The following C16orf74 variants were observed in gnomAD, a reference collection of about 807,000 sequenced individuals.
C16orf74 encodes the protein calcimembrin.
C16orf74 carries 10 observed loss-of-function variants against 6.5 expected under a neutral mutation model. The observed-to-expected ratio is 1.54, with a 90% confidence interval of 0.95 to 2.61. The LOEUF (loss-of-function observed/expected upper bound fraction) is 2.61. Among genes scored for constraint, C16orf74 ranks in the 30% most tolerant of loss-of-function variants. The pLI is 0.00. For missense variants in C16orf74, 141 were observed against 105.9 expected (o/e 1.33, Z -1.45); for synonymous variants, 60 against 42.5 (o/e 1.41, Z -1.60).
chr16:85,747,807 G>A (rs993167530), intron 1 of C16orf74, among the ~76,000 whole-genome samples: 1 of 152,084 alleles, frequency 6.6e-6, no homozygotes, highest in Non-Finnish European at 1.5e-5. Context: ...ATTGGTTCCA[G>A]CTGGGCGCAA....
At chr16:85,736,700 A>G (rs2054248444) in intron 1 of C16orf74, among the ~76,000 whole-genome samples, 2 of 151,674 alleles carry the variant, frequency 1.3e-5, no homozygotes, top group Non-Finnish European at 1.5e-5. Flanking sequence ...CAGCTTGGCA[A>G]CTCCCAGCCA....
Position 85,714,409 on chromosome 16 carries a change from T to TTTA in C16orf74, c.29-4105_29-4103dup, listed in dbSNP as rs1254910237. Reference sequence around the variant, plus strand: ...TATTTATTTATTTATTTATTATTTATTTATTTATTTATTTATTTATTTATT... The same window carrying TTTA: ...TATTTATTTATTTATTTATTATTTATTTATTATTTATTTATTTATTTATTTATT... On this transcript the variant is annotated intron_variant, in intron 2 of 3. Transcript: ENST00000284245. Among the ~76,000 whole-genome samples, 80 of 42,414 alleles carry TTTA rather than the reference T, an allele frequency of 1.9e-3. 1 individual carries two copies. Among genetic ancestry groups the TTTA allele is most frequent in the African/African-American group, 5.5e-3 (74 of 13,382 alleles). 27.8% of individuals were successfully genotyped at this position (42,414 alleles called of 152,430 possible). A position where few individuals can be genotyped will look rare whatever the true frequency, so the allele number is the denominator to read the frequency against.
chr16:85,750,048 G>A (rs914679315), intron 1 of C16orf74, among the ~76,000 whole-genome samples: 2 of 152,174 alleles, frequency 1.3e-5, no homozygotes, highest in Non-Finnish European at 2.9e-5. Flanking sequence ...TGGATGGGTG[G>A]GGTCTAGGCA....
chr16:85,740,087 G>A lies in C16orf74; in HGVS notation c.-18-4852C>T, dbSNP rs150472017. 4.9e-3 allele frequency among the ~76,000 whole-genome samples: 729 copies of A among 149,684 alleles called. 5 individuals carry two copies. The highest frequency in any genetic ancestry group is 0.017 in the African/African-American group (696 of 40,848). ...TAGCCAGGCGTGGTGGCAGGCACCC[G>A]TAATCCCAGCTACTCGGGAGGCTGA... On this transcript the variant is annotated intron_variant, in intron 1 of 3. Transcript: ENST00000284245.
intron 3 of C16orf74, among the ~76,000 whole-genome samples, chr16:85,708,823 C>G (rs1214228841): frequency 6.6e-6 from 1 of 152,226 alleles, no homozygotes; most frequent in African/African-American, 2.4e-5. Flanking sequence ...CTATGGATTC[C>G]CCCTCCCAGA....
intron 2 of C16orf74, among the ~76,000 whole-genome samples, chr16:85,724,899 C>G (rs537842615): frequency 1.3e-5 from 2 of 152,320 alleles, no homozygotes; most frequent in Admixed American, 6.5e-5. Context: ...GGAGAACATC[C>G]TTGGGAACTA....
intron 1 of C16orf74, among the ~76,000 whole-genome samples, chr16:85,741,196 G>A (rs1000614362): frequency 4.6e-5 from 7 of 152,202 alleles, no homozygotes; most frequent in South Asian, 2.1e-4. Context: ...GTCAGATCGC[G>A]TTTTCCTGCT....
intron 2 of C16orf74, 23 bp from the exon 3 acceptor site, chr16:85,710,330 C>CA: frequency 2.0e-6 from 3 of 1,479,246 alleles, no homozygotes; most frequent in Non-Finnish European, 1.8e-6. Context: ...GCGTGGAGCA[C>CA]ACACGCACGT....
In C16orf74 at chr16:85,707,842, G is replaced by A; in HGVS notation, c.*166C>T. The A allele has an allele frequency of 3.2e-6, 2 of 623,328 alleles. No individual in the cohort carries two copies. Among genetic ancestry groups the A allele is most frequent in the Non-Finnish European group, 5.7e-6 (2 of 352,576 alleles). The allele number at this position is 623,328 out of a possible 1,614,324, so 38.6% of individuals were successfully genotyped here. A position where few individuals can be genotyped will look rare whatever the true frequency, so the allele number is the denominator to read the frequency against. On this transcript the variant is annotated 3_prime_UTR_variant, in exon 4 of 4. Coordinates refer to ENST00000284245, the MANE Select transcript of C16orf74 (RefSeq NM_206967.3). ...GGAAACACTGTTCTGGAAGTGGACAGGCTGGATTCCTCGCTGGTCCTGCCA... is the reference window on the plus strand; with the variant it reads ...GGAAACACTGTTCTGGAAGTGGACAAGCTGGATTCCTCGCTGGTCCTGCCA...
At chr16:85,709,357 A>T (rs1246089208) in intron 3 of C16orf74, among the ~76,000 whole-genome samples, 3 of 152,280 alleles carry the variant, frequency 2.0e-5, no homozygotes, top group Non-Finnish European at 4.4e-5. Context: ...CCATCTCAAA[A>T]AAATAAATAA....
intron 2 of C16orf74, among the ~76,000 whole-genome samples, chr16:85,719,254 G>A (rs943084582): frequency 6.6e-6 from 1 of 152,178 alleles, no homozygotes; most frequent in East Asian, 1.9e-4. Flanking sequence ...ACACTGCTGC[G>A]GAAAGAACGG....
intron 1 of C16orf74, among the ~76,000 whole-genome samples, chr16:85,748,597 A>C (rs943139526): frequency 2.0e-5 from 3 of 152,166 alleles, no homozygotes. Context: ...GACTGTCTCA[A>C]GAAAAAACAA....
At chr16:85,717,663 G>A (rs1256398955) in intron 2 of C16orf74, among the ~76,000 whole-genome samples, 4 of 152,236 alleles carry the variant, frequency 2.6e-5, no homozygotes, top group Non-Finnish European at 5.9e-5. Flanking sequence ...GCTCTGGGCT[G>A]AGCCTGCCAT....
chr16:85,732,149 T>G (rs2054195444), intron 2 of C16orf74, among the ~76,000 whole-genome samples: 1 of 152,180 alleles, frequency 6.6e-6, no homozygotes. Flanking sequence ...AACCAAAGAA[T>G]GGCTGGTGCC....
At chr16:85,742,334 C>A (rs1447132283) in intron 1 of C16orf74, among the ~76,000 whole-genome samples, 1 of 152,140 alleles carries the variant, frequency 6.6e-6, no homozygotes, top group Admixed American at 6.5e-5. Flanking sequence ...GATCATGCCA[C>A]TGCACTCCAT....
At position 85,713,933 on chromosome 16, in the gene C16orf74, G is replaced by T. The variant is rs530662793; in HGVS notation, c.29-3626C>A. On this transcript the variant is annotated intron_variant, in intron 2 of 3. Transcript: ENST00000284245. ...CGTCTTCCCTTTGGTCTTAACCTGG[G>T]TCCCTTCCCTGGAATGAGCCATAAC... Among the ~76,000 whole-genome samples the T allele has an allele frequency of 1.5e-3, 222 of 152,238 alleles. 1 individual carries two copies. The highest frequency in any genetic ancestry group is 5.2e-3 in the African/African-American group (215 of 41,532).
At chr16:85,739,439 G>A (rs1270107068) in intron 1 of C16orf74, among the ~76,000 whole-genome samples, 1 of 152,210 alleles carries the variant, frequency 6.6e-6, no homozygotes, top group Non-Finnish European at 1.5e-5. Flanking sequence ...CAGAAAGAAT[G>A]ATGTCTGGAA....
intron 2 of C16orf74, among the ~76,000 whole-genome samples, chr16:85,726,206 T>A (rs1443063380): frequency 3.3e-5 from 5 of 152,184 alleles, no homozygotes. Context: ...CTGCTGGGTG[T>A]GTGTTTGTTC....
At chr16:85,741,392 G>A (rs989006947) in intron 1 of C16orf74, among the ~76,000 whole-genome samples, 1 of 152,170 alleles carries the variant, frequency 6.6e-6, no homozygotes, top group Non-Finnish European at 1.5e-5. Context: ...GGGGAAGGAA[G>A]GAAGGCAGGG....
Sources: allele counts gnomAD v4.1 joint callset (sites outside exome capture counted in the v4.1 genomes callset), GRCh38; gene constraint gnomAD v4.1.1; transcripts MANE v1.5; gene names NCBI Gene and HGNC (gene_info 2026-07-23, HGNC 2026-07-21).